The following SRGAP3 variants were observed in gnomAD, a reference collection of about 807,000 sequenced individuals.
SRGAP3 encodes SLIT-ROBO Rho GTPase-activating protein 3.
A neutral mutation model predicts 121.1 loss-of-function variants in SRGAP3; 39 were observed. The ratio of observed to expected loss-of-function variants is 0.32; its 90% CI spans 0.25 to 0.42. SRGAP3 has a LOEUF of 0.42. SRGAP3 is among the 10% of genes least tolerant of loss of function. The pLI is 1.00. For synonymous variants in SRGAP3, 601 were observed against 570.0 expected (o/e 1.05, Z -0.77); for missense variants, 1,213 against 1,470.6 (o/e 0.82, Z 2.86).
intron 1 of SRGAP3, among the ~76,000 whole-genome samples, chr3:9,344,757 C>T (rs1955854601): frequency 6.6e-6 from 1 of 152,186 alleles, no homozygotes; most frequent in Admixed American, 6.5e-5. Context: ...AAAATATTGG[C>T]CAAGCGTGGT....
chr3:9,182,175 C>CA (rs34305216), intron 1 of SRGAP3, among the ~76,000 whole-genome samples: 7,472 of 37,260 alleles, frequency 0.2, 2,290 homozygotes, highest in East Asian at 0.33. Context: ...GACTCTGTCT[C>CA]AAAAAAAAAA....
At chr3:9,009,625 T>C (rs1943258483) in intron 18 of SRGAP3, among the ~76,000 whole-genome samples, 1 of 152,066 alleles carries the variant, frequency 6.6e-6, no homozygotes, top group Non-Finnish European at 1.5e-5. Context: ...TGGCATATGG[T>C]TCAGATTGCT....
intron 3 of SRGAP3, among the ~76,000 whole-genome samples, chr3:9,098,921 G>A (rs1358930543): frequency 6.6e-6 from 1 of 152,176 alleles, no homozygotes; most frequent in Non-Finnish European, 1.5e-5. Context: ...GGGAGACGGT[G>A]GAGATTGGCT....
chr3:9,102,002 G>C lies in SRGAP3; in HGVS notation c.423+2678C>G, dbSNP rs1200493076. Among the ~76,000 whole-genome samples, 3 of 152,374 alleles carry C rather than the reference G, an allele frequency of 2.0e-5. No individual in the cohort carries two copies. The East Asian group carries it at 5.8e-4, about 29-fold the overall frequency. ...AAACCACCTCCCGCATCAGTGAGAA[G>C]CTGGCAGGCAGGGCAGCTGCCCAGG... On this transcript the variant is annotated intron_variant, in intron 3 of 21. Coordinates refer to ENST00000383836, the MANE Select transcript of SRGAP3 (RefSeq NM_014850.4).
chr3:9,256,479 C>A (rs1200551384), intron 3 of SRGAP3, among the ~76,000 whole-genome samples: 1 of 151,856 alleles, frequency 6.6e-6, no homozygotes, highest in Non-Finnish European at 1.5e-5. Flanking sequence ...AGTTAGCTGG[C>A]CCTGTGGATA....
chr3:9,288,297 C>T lies in SRGAP3; in HGVS notation n.442+37713G>A, dbSNP rs530194835. Reference sequence around the variant, plus strand: ...GGATTACAGGCACACACCACCACACCTGGCTAATTTTCATATTTTTAGTAG... The same window carrying T: ...GGATTACAGGCACACACCACCACACTTGGCTAATTTTCATATTTTTAGTAG... On this transcript the variant is annotated intron_variant and non_coding_transcript_variant, in intron 3 of 3. Transcript: ENST00000490889. 1.1e-3 allele frequency among the ~76,000 whole-genome samples: 172 copies of T among 152,008 alleles called. 1 individual carries two copies. The highest frequency in any genetic ancestry group is 5.2e-4 in the Non-Finnish European group (35 of 67,958).
At chr3:9,173,420 A>G (rs1050201718) in intron 1 of SRGAP3, among the ~76,000 whole-genome samples, 1 of 152,200 alleles carries the variant, frequency 6.6e-6, no homozygotes, top group African/African-American at 2.4e-5. Flanking sequence ...AGATATGAAA[A>G]GAAGGCGCAA....
At chr3:9,280,198 A>G (rs1384020502) in intron 3 of SRGAP3, among the ~76,000 whole-genome samples, 1 of 152,228 alleles carries the variant, frequency 6.6e-6, no homozygotes, top group Non-Finnish European at 1.5e-5. Context: ...GCGACCAAGC[A>G]AAGGGGACTA....
intron 2 of SRGAP3, among the ~76,000 whole-genome samples, chr3:9,112,710 A>G (rs1218445348): frequency 6.6e-6 from 1 of 152,138 alleles, no homozygotes; most frequent in East Asian, 1.9e-4. Flanking sequence ...CTCCTCCTGG[A>G]TGCCTCCCTG....
At chr3:9,328,504 A>G (rs1041343367) in intron 2 of SRGAP3, among the ~76,000 whole-genome samples, 1 of 152,220 alleles carries the variant, frequency 6.6e-6, no homozygotes, top group Non-Finnish European at 1.5e-5. Context: ...GCACTCTTTA[A>G]TAAAGTCCTT....
intron 1 of SRGAP3, among the ~76,000 whole-genome samples, chr3:9,134,311 C>T (rs1949564315): frequency 6.6e-6 from 1 of 152,156 alleles, no homozygotes; most frequent in Admixed American, 6.5e-5. Flanking sequence ...GCACCACTCA[C>T]AGTCTGCATA....
rs1289586377 is a variant in SRGAP3 at position 8,985,574 on chromosome 3, G to T, written c.3245C>A (p.Thr1082Lys). ...SSSGVGSPAV[T>K]PTEKMFPNSS... is the part of the protein sequence containing the mutation. ...GTTGGGGAACATCTTCTCGGTGGGC[G>T]TCACGGCCGGGCTGCCCACGCCCGA... Residue 1082 changes from threonine (T) to lysine (K), a missense_variant, in exon 22 of 22, where the codon ACG (threonine) becomes AAG (lysine). This residue lies in a region of SRGAP3 where 420 missense variants were observed against 437.7 expected (regional missense o/e 0.96). Coordinates refer to ENST00000383836, the MANE Select transcript of SRGAP3 (RefSeq NM_014850.4). The surrounding 1 kb of genome is among the most constrained non-coding windows in gnomAD (Gnocchi z 5.1). The T allele has an allele frequency of 1.9e-6, 3 of 1,596,834 alleles. No individual in the cohort carries two copies. The highest frequency in any genetic ancestry group is 2.2e-5 in the East Asian group (1 of 44,724).
chr3:9,213,230 T>A (rs986571909), intron 1 of SRGAP3, among the ~76,000 whole-genome samples: 1 of 152,010 alleles, frequency 6.6e-6, no homozygotes, highest in African/African-American at 2.4e-5. Context: ...AAAAGACTGG[T>A]CTGAAGTGGA....
At chr3:9,060,127 C>T (rs530751593) in intron 6 of SRGAP3, 104 bp downstream of exon 6, 28 of 1,568,928 alleles carry the variant, frequency 1.8e-5, no homozygotes, top group South Asian at 7.8e-5. Flanking sequence ...TGTGGCTACC[C>T]GAGAATGTCA....
At chr3:9,186,791 C>T (rs1951607109) in intron 1 of SRGAP3, among the ~76,000 whole-genome samples, 1 of 152,088 alleles carries the variant, frequency 6.6e-6, no homozygotes, top group African/African-American at 2.4e-5. Flanking sequence ...TTTGAGTCCA[C>T]CAATCAATAA....
At chr3:9,111,243 G>A (rs1948611086) in intron 2 of SRGAP3, among the ~76,000 whole-genome samples, 1 of 152,222 alleles carries the variant, frequency 6.6e-6, no homozygotes, top group African/African-American at 2.4e-5. Flanking sequence ...GGAACAGAGG[G>A]GAGCCTGTGC....
At chr3:9,325,235 CGGG>C (rs1052781602) in intron 3 of SRGAP3, among the ~76,000 whole-genome samples, 3 of 151,508 alleles carry the variant, frequency 2.0e-5, no homozygotes, top group Admixed American at 1.3e-4. Flanking sequence ...TTATGACTAT[CGGG>C]AGGATAATAC....
chr3:9,069,860 T>G (rs1381829919), intron 4 of SRGAP3, among the ~76,000 whole-genome samples: 1 of 152,070 alleles, frequency 6.6e-6, no homozygotes, highest in Non-Finnish European at 1.5e-5. Context: ...GGCAGGAGAA[T>G]AGCTTGAACC....
chr3:9,261,195 T>G (rs10222521), intron 3 of SRGAP3, among the ~76,000 whole-genome samples: 2 of 151,884 alleles, frequency 1.3e-5, no homozygotes, highest in Admixed American at 6.6e-5. Context: ...CATCCAAAGG[T>G]CACCAACATC....
Sources: gnomAD v4.1 joint callset for allele counts (sites outside exome capture counted in the v4.1 genomes callset) on GRCh38, gnomAD v4.1.1 for gene constraint, gnomAD v4.1.1 regional missense constraint, Gnocchi (gnomAD v3.1) non-coding constraint, MANE v1.5 for transcripts, NCBI Gene and HGNC (gene_info 2026-07-23, HGNC 2026-07-21) for gene names.